The following IGSF10 variants were observed in gnomAD, a reference collection of about 807,000 sequenced individuals.
The protein encoded by IGSF10 is calvaria mechanical force protein 608.
In IGSF10, 126 loss-of-function variants were observed where a neutral mutation model predicts 128.2. That is an observed-to-expected ratio of 0.98 (90% CI 0.85 to 1.14). The LOEUF (loss-of-function observed/expected upper bound fraction) is 1.14. IGSF10 is among the 50% of genes most tolerant of loss of function. The pLI is 0.00. For missense variants in IGSF10, 3,295 were observed against 3,149.8 expected (o/e 1.05, Z -1.10); for synonymous variants, 1,185 against 1,146.2 (o/e 1.03, Z -0.68).
upstream of IGSF10, chr3:151,461,587 T>C (rs141050285): frequency 3.3e-6 from 1 of 302,204 alleles, no homozygotes; most frequent in East Asian, 1.7e-4. Flanking sequence ...TACCCCATTT[T>C]TGTTTTTGTG....
At chr3:151,554,556 G>T in the IGSF10 span, among the ~76,000 whole-genome samples, 3 of 151,064 alleles carry the variant, frequency 2.0e-5, no homozygotes, top group African/African-American at 7.4e-5. Flanking sequence ...TTTGCATTTT[G>T]TTCATATAAA....
the IGSF10 span, among the ~76,000 whole-genome samples, chr3:151,537,507 T>A: frequency 3.9e-5 from 6 of 152,174 alleles, no homozygotes. Flanking sequence ...TGTTCTACCA[T>A]CTAGTTCATT....
At chr3:151,440,770 T>C in intron 7 of IGSF10, 1 of 373,696 alleles carries the variant, frequency 2.7e-6, no homozygotes, top group Non-Finnish European at 5.4e-6. Context: ...GGCTTGGGCA[T>C]CAGGATTCTT....
the IGSF10 span, among the ~76,000 whole-genome samples, chr3:151,499,023 A>T: frequency 6.6e-6 from 1 of 152,140 alleles, no homozygotes; most frequent in Non-Finnish European, 1.5e-5. Flanking sequence ...AGGAAGCCAT[A>T]GGAGGCATTT....
In IGSF10 at chr3:151,447,580, C is replaced by A. The variant is rs760939504; in HGVS notation, c.2401G>T (p.Ala801Ser). The A allele has an allele frequency of 1.9e-6, 3 of 1,614,130 alleles. No individual in the cohort carries two copies. In the South Asian group the frequency reaches 3.3e-5, roughly 18 times the overall value. The change falls in exon 6 of 8, where the codon GCT (alanine) becomes TCT (serine). Residue 801 changes from alanine to serine, a missense_variant. By Grantham distance (99) the Ala-to-Ser change is moderately conservative. Transcript: ENST00000282466. ...GEEDDSSGML[A>S]LHEEFMVPAT... Reference sequence around the variant, plus strand: ...GGGACCATAAATTCCTCATGTAGAGCGAGCATGCCTGAGGAATCGTCTTCT... The same window carrying A: ...GGGACCATAAATTCCTCATGTAGAGAGAGCATGCCTGAGGAATCGTCTTCT...
At chr3:151,496,814 A>G in the IGSF10 span, among the ~76,000 whole-genome samples, 2 of 151,632 alleles carry the variant, frequency 1.3e-5, no homozygotes, top group Non-Finnish European at 2.9e-5. Flanking sequence ...AAGTGTTCCT[A>G]TTTCTCCACA....
the IGSF10 span, among the ~76,000 whole-genome samples, chr3:151,601,840 G>C: frequency 6.6e-6 from 1 of 152,184 alleles, no homozygotes; most frequent in African/African-American, 2.4e-5. Flanking sequence ...ACCGTTAAGA[G>C]AAGCTCAATC....
the IGSF10 span, among the ~76,000 whole-genome samples, chr3:151,539,979 A>C: frequency 1.3e-5 from 2 of 152,138 alleles, no homozygotes; most frequent in Non-Finnish European, 2.9e-5. Flanking sequence ...GTCCGAGCCT[A>C]AGTAACCTAA....
At chr3:151,588,196 C>T in the IGSF10 span, among the ~76,000 whole-genome samples, 1 of 152,118 alleles carries the variant, frequency 6.6e-6, no homozygotes, top group African/African-American at 2.4e-5. Context: ...GTGTCAGAGA[C>T]AGATGCATGA....
the IGSF10 span, among the ~76,000 whole-genome samples, chr3:151,481,668 A>G: frequency 9.2e-5 from 14 of 152,100 alleles, no homozygotes; most frequent in Non-Finnish European, 1.6e-4. Flanking sequence ...TAGTTTTGTA[A>G]GACCTTAAGT....
In IGSF10 at chr3:151,447,666, C is replaced by G; in HGVS notation, c.2315G>C (p.Arg772Pro). 1.2e-6 allele frequency: 2 copies of G among 1,614,134 alleles called. No individual in the cohort carries two copies. Among genetic ancestry groups the G allele is most frequent in the Non-Finnish European group, 1.7e-6 (2 of 1,180,032 alleles). The change falls in exon 6 of 8, where the codon CGA becomes CCA. Residue 772 changes from arginine to proline, a missense_variant. Physicochemically the swap from Arg to Pro is moderately radical, Grantham distance 103. Coordinates refer to ENST00000282466, the MANE Select transcript of IGSF10 (RefSeq NM_178822.5). ...KAKKNAMPDK[R>P]ENTTVSPPPV... ...GGGTGGGCTCACTGTGGTATTTTCT[C>G]GCTTGTCTGGCATAGCATTCTTTTT... is the stretch of plus-strand genomic sequence containing the variant.
At chr3:151,473,116 G>A in the IGSF10 span, among the ~76,000 whole-genome samples, 4 of 152,194 alleles carry the variant, frequency 2.6e-5, no homozygotes, top group African/African-American at 7.2e-5. Context: ...AAAGCCTTAT[G>A]TGTTCTTCTG....
At chr3:151,561,118 T>C in the IGSF10 span, among the ~76,000 whole-genome samples, 1 of 152,178 alleles carries the variant, frequency 6.6e-6, no homozygotes, top group Admixed American at 6.6e-5. Context: ...CTGTCAAACA[T>C]ATTAGTGCAA....
the IGSF10 span, among the ~76,000 whole-genome samples, chr3:151,605,043 T>C: frequency 6.6e-6 from 1 of 152,198 alleles, no homozygotes; most frequent in African/African-American, 2.4e-5. Flanking sequence ...ATAAAACACA[T>C]CATATCTTTC....
At chr3:151,497,431 G>A in the IGSF10 span, among the ~76,000 whole-genome samples, 1 of 152,128 alleles carries the variant, frequency 6.6e-6, no homozygotes, top group South Asian at 2.1e-4. Context: ...ATTAAATAGG[G>A]AATCCCTTCC....
chr3:151,495,682 G>T, the IGSF10 span, among the ~76,000 whole-genome samples: 1 of 152,008 alleles, frequency 6.6e-6, no homozygotes, highest in Non-Finnish European at 1.5e-5. Context: ...CTGGAAATAG[G>T]CCCATGGAGT....
chr3:151,547,952 G>C, the IGSF10 span, among the ~76,000 whole-genome samples: 1 of 152,090 alleles, frequency 6.6e-6, no homozygotes, highest in African/African-American at 2.4e-5. Flanking sequence ...TTTGTGGTGT[G>C]GAAGATTGTA....
the IGSF10 span, among the ~76,000 whole-genome samples, chr3:151,514,302 C>G: frequency 2.0e-5 from 3 of 152,110 alleles, no homozygotes; most frequent in African/African-American, 4.8e-5. Context: ...ACAGAGCCCT[C>G]AGAAATAATG....
At chr3:151,536,088 C>T in the IGSF10 span, among the ~76,000 whole-genome samples, 1 of 152,264 alleles carries the variant, frequency 6.6e-6, no homozygotes, top group East Asian at 1.9e-4. Flanking sequence ...TCCTGTCCCA[C>T]CATGGCTACT....
Sources: gnomAD v4.1 joint callset for allele counts (sites outside exome capture counted in the v4.1 genomes callset) on GRCh38, gnomAD v4.1.1 for gene constraint, MANE v1.5 for transcripts, NCBI Gene and HGNC (gene_info 2026-07-23, HGNC 2026-07-21) for gene names.